Variants in LRP1B observed in about 807,000 individuals in gnomAD.
LRP1B encodes low-density lipoprotein receptor-related protein 1B.
Under a neutral mutation model 556.6 loss-of-function variants are expected in LRP1B, and 217 were observed. The observed-to-expected ratio is 0.39, with a 90% CI of 0.35 to 0.44. The LOEUF is 0.44. Among genes scored for constraint, LRP1B ranks in the 20% least tolerant of loss-of-function variants. The pLI is 1.00. For synonymous variants in LRP1B, 2,047 were observed against 1,865.8 expected (o/e 1.10, Z -2.50); for missense variants, 5,053 against 5,620.8 (o/e 0.90, Z 3.23).
intron 15 of LRP1B, among the ~76,000 whole-genome samples, chr2:140,997,385 T>C (rs193104025): frequency 6.6e-6 from 1 of 151,770 alleles, no homozygotes; most frequent in East Asian, 1.9e-4. Flanking sequence ...TTTTTTTTTT[T>C]TAATTTATTT....
chr2:140,364,974 A>G (rs1013670204), intron 71 of LRP1B, among the ~76,000 whole-genome samples, 191 bp from the exon 72 acceptor site: 1 of 151,504 alleles, frequency 6.6e-6, no homozygotes, highest in Non-Finnish European at 1.5e-5. Context: ...TTCATTGTTG[A>G]CATTTCAAAA....
intron 1 of LRP1B, among the ~76,000 whole-genome samples, chr2:141,898,981 C>A (rs1050559907): frequency 2.0e-5 from 3 of 152,114 alleles, no homozygotes; most frequent in African/African-American, 7.2e-5. Flanking sequence ...CAGGCCACAG[C>A]CTTTTGCACA....
chr2:140,890,482 T>C (rs1214585453), intron 23 of LRP1B, among the ~76,000 whole-genome samples: 2 of 152,188 alleles, frequency 1.3e-5, no homozygotes, highest in Admixed American at 1.3e-4. Flanking sequence ...CTGCTCACAA[T>C]CTTTTCATGT....
chr2:140,882,467 C>G (rs1693504459), intron 25 of LRP1B, among the ~76,000 whole-genome samples: 1 of 152,264 alleles, frequency 6.6e-6, no homozygotes, highest in Admixed American at 6.5e-5. Flanking sequence ...CTAGTTGTTA[C>G]CAAATCTCCC....
intron 3 of LRP1B, among the ~76,000 whole-genome samples, chr2:141,370,348 G>T (rs2105589247): frequency 6.6e-6 from 1 of 152,204 alleles, no homozygotes; most frequent in African/African-American, 2.4e-5. Context: ...AATTCCGATT[G>T]GTATAGGATG....
At chr2:141,836,072 A>G (rs555018220) in intron 1 of LRP1B, among the ~76,000 whole-genome samples, 28 of 152,136 alleles carry the variant, frequency 1.8e-4, no homozygotes, top group African/African-American at 6.7e-4. Flanking sequence ...AATCCTACAC[A>G]TGTGCTGCCA....
At chr2:141,192,628 G>A (rs960279453) in intron 6 of LRP1B, among the ~76,000 whole-genome samples, 5 of 151,034 alleles carry the variant, frequency 3.3e-5, no homozygotes, top group African/African-American at 9.7e-5. Flanking sequence ...CCTGGATTTT[G>A]CTCTCATTGT....
intron 3 of LRP1B, among the ~76,000 whole-genome samples, chr2:141,385,722 T>G (rs559377758): frequency 2.2e-4 from 33 of 152,192 alleles, no homozygotes; most frequent in Non-Finnish European, 3.1e-4. Context: ...CCTCAACTGC[T>G]TCTGATTATT....
chr2:140,867,879 A>G, intron 26 of LRP1B, 45 bp from the exon 27 acceptor site: 1 of 1,487,594 alleles, frequency 6.7e-7, no homozygotes, highest in Non-Finnish European at 9.0e-7. Flanking sequence ...AACTCATTCA[A>G]CTAGTCCAGA....
At chr2:141,873,120 T>C (rs1698642791) in intron 1 of LRP1B, among the ~76,000 whole-genome samples, 1 of 151,930 alleles carries the variant, frequency 6.6e-6, no homozygotes, top group African/African-American at 2.4e-5. Flanking sequence ...CACATAAATA[T>C]GCTATTACAT....
intron 2 of LRP1B, among the ~76,000 whole-genome samples, chr2:141,499,995 A>G (rs1683654697): frequency 6.6e-6 from 1 of 152,116 alleles, no homozygotes; most frequent in Admixed American, 6.6e-5. Context: ...CAATTAAGGA[A>G]CAGCAGATAT....
chr2:141,414,690 C>T (rs778913977), intron 3 of LRP1B, among the ~76,000 whole-genome samples: 38 of 152,186 alleles, frequency 2.5e-4, no homozygotes, highest in Non-Finnish European at 3.2e-4. Context: ...AGTCTAGATG[C>T]CAATGTCAGT....
At chr2:140,605,573 C>G (rs1467848914) in intron 41 of LRP1B, among the ~76,000 whole-genome samples, 1 of 149,062 alleles carries the variant, frequency 6.7e-6, no homozygotes, top group African/African-American at 2.5e-5. Context: ...TTCTTTCTTG[C>G]TTGCTTGCTT....
intron 3 of LRP1B, among the ~76,000 whole-genome samples, chr2:141,280,050 C>G (rs1685453524): frequency 6.6e-6 from 1 of 152,164 alleles, no homozygotes; most frequent in Non-Finnish European, 1.5e-5. Flanking sequence ...AGTTGAATCC[C>G]TTTAAGTAAA....
At chr2:141,498,729 G>C (rs1260480581) in intron 2 of LRP1B, among the ~76,000 whole-genome samples, 1 of 152,002 alleles carries the variant, frequency 6.6e-6, no homozygotes, top group Non-Finnish European at 1.5e-5. Context: ...AGTCATTCCA[G>C]GGAAACTATG....
At chr2:142,016,375 A>G (rs556722010) in intron 1 of LRP1B, among the ~76,000 whole-genome samples, 40 of 152,318 alleles carry the variant, frequency 2.6e-4, no homozygotes, top group African/African-American at 9.6e-4. Context: ...AGGCATATGC[A>G]CACGTATGTT....
chr2:140,993,958 A>G, intron 16 of LRP1B, 37 bp downstream of exon 16: 1 of 1,605,028 alleles, frequency 6.2e-7, no homozygotes. Flanking sequence ...AAGACTCAGG[A>G]AAATACAATT....
intron 60 of LRP1B, among the ~76,000 whole-genome samples, chr2:140,461,011 C>A (rs1687292477): frequency 6.8e-6 from 1 of 146,232 alleles, no homozygotes; most frequent in African/African-American, 2.5e-5. Flanking sequence ...TGCAGTGAGC[C>A]AAGATCGCAC....
At chr2:141,617,857 T>C (rs1168647378) in intron 2 of LRP1B, among the ~76,000 whole-genome samples, 1 of 152,120 alleles carries the variant, frequency 6.6e-6, no homozygotes, top group African/African-American at 2.4e-5. Context: ...TTAACTTTAA[T>C]AGTCATCAGT....
Sources: allele counts gnomAD v4.1 joint callset (sites outside exome capture counted in the v4.1 genomes callset), GRCh38; gene constraint gnomAD v4.1.1; transcripts MANE v1.5; gene names NCBI Gene and HGNC (gene_info 2026-07-23, HGNC 2026-07-21).